The following JUP variants were observed in gnomAD, a reference collection of about 807,000 sequenced individuals.
JUP encodes the protein catenin (cadherin-associated protein), gamma 80kDa.
A neutral mutation model predicts 71.1 loss-of-function variants in JUP; 28 were observed. The ratio of observed to expected loss-of-function variants is 0.39; its 90% CI spans 0.29 to 0.54. The LOEUF (loss-of-function observed/expected upper bound fraction) is 0.54. Ranked by LOEUF, JUP falls within the 20% of genes least tolerant of loss-of-function variation. The pLI is 0.62. For synonymous variants in JUP, 401 were observed against 438.9 expected (o/e 0.91, Z 1.08); for missense variants, 869 against 1,030.1 (o/e 0.84, Z 2.14).
intron 8 of JUP, among the ~76,000 whole-genome samples, chr17:41,762,279 T>G (rs1915026272): frequency 6.6e-6 from 1 of 151,134 alleles, no homozygotes. Flanking sequence ...CTCACTATGT[T>G]ACCCACGATG....
chr17:41,761,504 G>T (rs1159588275), intron 8 of JUP, among the ~76,000 whole-genome samples: 1 of 152,114 alleles, frequency 6.6e-6, no homozygotes, highest in Non-Finnish European at 1.5e-5. Flanking sequence ...AGCAGCACCT[G>T]CGAGCTTGTT....
intron 1 of JUP, chr17:41,785,110 C>A (rs1213092592): frequency 6.6e-6 from 1 of 152,174 alleles, no homozygotes; most frequent in East Asian, 1.9e-4. Context: ...CAAATTCTTT[C>A]AGGAAAGCGG....
At chr17:41,761,217 C>G (rs1914751624) in intron 8 of JUP, among the ~76,000 whole-genome samples, 1 of 152,220 alleles carries the variant, frequency 6.6e-6, no homozygotes, top group African/African-American at 2.4e-5. Context: ...CCAGAATCCT[C>G]TGTGCCCTGT....
chr17:41,758,143 T>A (rs1914171675), intron 10 of JUP: 1 of 540,344 alleles, frequency 1.9e-6, no homozygotes, highest in Non-Finnish European at 3.2e-6. Context: ...GGTTTTCATG[T>A]TTATATGGTT....
At chr17:41,761,202 C>T (rs1338308313) in intron 8 of JUP, among the ~76,000 whole-genome samples, 1 of 152,168 alleles carries the variant, frequency 6.6e-6, no homozygotes, top group East Asian at 1.9e-4. Context: ...AGATGCTAAG[C>T]GTCCCCAGAA....
chr17:41,755,906 A>G lies in JUP; in HGVS notation c.2087-11T>C. ...AGGTGGCATCCATGTCTGGGGACAA[A>G]AAGTGGGGCTCGGTCCTAGGGTCTG... is the stretch of plus-strand genomic sequence containing the variant. On this transcript the variant is annotated splice_polypyrimidine_tract_variant and intron_variant, in intron 13 of 13. Coordinates refer to ENST00000393931, the MANE Select transcript of JUP (RefSeq NM_002230.4). 2 of 1,602,944 alleles carry G rather than the reference A, an allele frequency of 1.2e-6. No homozygotes were observed. Among genetic ancestry groups the G allele is most frequent in the Non-Finnish European group, 1.7e-6 (2 of 1,173,012 alleles).
chr17:41,762,674 TA>T (rs1915091318), intron 8 of JUP, among the ~76,000 whole-genome samples: 2 of 152,292 alleles, frequency 1.3e-5, no homozygotes, highest in South Asian at 4.1e-4. Context: ...GTGTTGGGAT[TA>T]CAGGCATGAG....
intron 3 of JUP, 66 bp downstream of exon 3, chr17:41,769,352 C>T: frequency 6.3e-7 from 1 of 1,579,398 alleles, no homozygotes; most frequent in South Asian, 1.1e-5. Flanking sequence ...CAATGTCCCT[C>T]CCCTGAGGAC....
chr17:41,759,495 T>C (rs1413109567), intron 8 of JUP, among the ~76,000 whole-genome samples: 1 of 121,048 alleles, frequency 8.3e-6, no homozygotes, highest in Non-Finnish European at 1.6e-5. Context: ...ACAGACACCA[T>C]GACCTTGCTT....
At chr17:41,771,366 G>A in intron 2 of JUP, 2 of 529,242 alleles carry the variant, frequency 3.8e-6, no homozygotes, top group South Asian at 4.2e-5. Flanking sequence ...AGAAGGCAAG[G>A]ACTATGGCTT....
chr17:41,782,867 G>A (rs776360813), intron 1 of JUP, among the ~76,000 whole-genome samples: 2 of 151,940 alleles, frequency 1.3e-5, no homozygotes, highest in Non-Finnish European at 2.9e-5. Flanking sequence ...AGGCTGAGGC[G>A]GGCGGATCTC....
At chr17:41,776,206 C>A (rs2046877347) in intron 1 of JUP, among the ~76,000 whole-genome samples, 1 of 152,260 alleles carries the variant, frequency 6.6e-6, no homozygotes, top group African/African-American at 2.4e-5. Flanking sequence ...GGCTAGAGGC[C>A]AGCACCCTGT....
At position 41,757,400 on chromosome 17, in the gene JUP, A is replaced by C; in HGVS notation, c.2046+15T>G. ...TTGCACAACCAACTACTGTGGTCCAACCTAGGATACTCACAGCCTCCCAGG... is the reference window on the plus strand; with the variant it reads ...TTGCACAACCAACTACTGTGGTCCACCCTAGGATACTCACAGCCTCCCAGG... On this transcript the variant is annotated intron_variant, in intron 12 of 13. Coordinates refer to ENST00000393931, the MANE Select transcript of JUP (RefSeq NM_002230.4). The C allele has an allele frequency of 6.2e-7, 1 of 1,614,078 alleles. No individual in the cohort carries two copies. The highest frequency in any genetic ancestry group is 8.5e-7 in the Non-Finnish European group (1 of 1,180,002).
intron 1 of JUP, among the ~76,000 whole-genome samples, chr17:41,779,333 A>ATTTTT (rs34269111): frequency 1.4e-4 from 14 of 100,220 alleles, no homozygotes; most frequent in African/African-American, 5.1e-4. Context: ...AAACTTCCCA[A>ATTTTT]TTTTTTTTTT....
intron 1 of JUP, among the ~76,000 whole-genome samples, chr17:41,781,124 C>T (rs9913846): frequency 0.68 from 102,061 of 149,494 alleles, 35,362 homozygotes; most frequent in Middle Eastern, 0.86. Flanking sequence ...GAGCTTGCAG[C>T]GAGCGGAGAT....
Position 41,771,696 on chromosome 17 carries a change from G to A in JUP, c.159C>T (p.Tyr53=), listed in dbSNP as rs370760069. 3.6e-5 allele frequency: 58 copies of A among 1,613,978 alleles called. No homozygotes were observed. Among genetic ancestry groups the A allele is most frequent in the Non-Finnish European group, 4.9e-5 (58 of 1,180,034 alleles). The change falls in exon 2 of 14, where the codon TAC becomes TAT. Residue 53 remains tyrosine (Y), a synonymous_variant. Coordinates refer to ENST00000393931, the MANE Select transcript of JUP (RefSeq NM_002230.4). ...TGTAAGTGGTGGTTTTCTTGAGCGT[G>A]TACTGGCGCCCGCAGGCCTCATCCT... ...MEEDEACGRQ[Y]TLKKTTTYTQ...
At chr17:41,765,358 G>GTT (rs569234400) in intron 5 of JUP, among the ~76,000 whole-genome samples, 4 of 140,454 alleles carry the variant, frequency 2.8e-5, no homozygotes, top group South Asian at 4.6e-4. Context: ...AAGTTTTTTT[G>GTT]TTTTTTTTTT....
intron 4 of JUP, among the ~76,000 whole-genome samples, chr17:41,768,044 C>T (rs1300820575): frequency 3.3e-5 from 5 of 152,086 alleles, no homozygotes; most frequent in African/African-American, 7.2e-5. Flanking sequence ...AGGTGGATCA[C>T]CCTGAGGTTA....
At chr17:41,778,559 C>CAAA (rs35336912) in intron 1 of JUP, among the ~76,000 whole-genome samples, 2,413 of 142,480 alleles carry the variant, frequency 0.017, 26 homozygotes, top group Middle Eastern at 0.026. Context: ...GACCCCATCT[C>CAAA]AAAAAAAAAA....
Sources: allele counts gnomAD v4.1 joint callset (sites outside exome capture counted in the v4.1 genomes callset), GRCh38; gene constraint gnomAD v4.1.1; transcripts MANE v1.5; gene names NCBI Gene and HGNC (gene_info 2026-07-23, HGNC 2026-07-21).